Variants in SSBP3 observed in about 807,000 individuals in gnomAD.
SSBP3 encodes the protein single-stranded DNA-binding protein 3.
In SSBP3, 5 loss-of-function variants were observed where a neutral mutation model predicts 69.6. That is an observed-to-expected ratio of 0.07 (90% confidence interval 0.04 to 0.15). SSBP3 has a LOEUF of 0.15. SSBP3 is among the 10% of genes least tolerant of loss of function. The pLI, the probability that SSBP3 is intolerant of heterozygous loss-of-function variation, is 1.00. For missense variants in SSBP3, 312 were observed against 534.0 expected (o/e 0.58, Z 4.10); for synonymous variants, 196 against 193.4 (o/e 1.01, Z -0.11).
At chr1:54,407,785 C>T (rs992720278), upstream of SSBP3, among the ~76,000 whole-genome samples, 1 of 123,226 alleles carries the variant, frequency 8.1e-6, no homozygotes, top group Non-Finnish European at 1.6e-5. Flanking sequence ...TTTAACTGCG[C>T]TGTTCCAATA....
chr1:54,256,186 CA>C (rs1644918038), intron 7 of SSBP3, among the ~76,000 whole-genome samples: 1 of 148,536 alleles, frequency 6.7e-6, no homozygotes, highest in East Asian at 2.0e-4. Flanking sequence ...AAAAGCATCA[CA>C]CTCAGACAAT....
chr1:54,298,791 A>T (rs1645746538), intron 4 of SSBP3, among the ~76,000 whole-genome samples: 1 of 152,114 alleles, frequency 6.6e-6, no homozygotes, highest in South Asian at 2.1e-4. Flanking sequence ...CAAAAACACC[A>T]TGGTCAGCGT....
chr1:54,411,997 G>C (rs1421566410), intron 1 of SSBP3, among the ~76,000 whole-genome samples: 1 of 152,022 alleles, frequency 6.6e-6, no homozygotes, highest in Non-Finnish European at 1.5e-5. Flanking sequence ...ACTCACCAGA[G>C]TGCCCTAGCC....
intron 4 of SSBP3, among the ~76,000 whole-genome samples, chr1:54,309,823 G>A (rs1001172447): frequency 2.6e-5 from 4 of 152,192 alleles, no homozygotes; most frequent in Non-Finnish European, 4.4e-5. Context: ...CACACAAAGC[G>A]GGGGAAGGCA....
At chr1:54,227,417 G>A (rs1050665838) in intron 17 of SSBP3, among the ~76,000 whole-genome samples, 36 of 152,110 alleles carry the variant, frequency 2.4e-4, no homozygotes, top group African/African-American at 8.4e-4. Context: ...AGCTGACGGC[G>A]CCTCCCCTGC....
chr1:54,285,652 G>A (rs989449116), intron 4 of SSBP3, among the ~76,000 whole-genome samples: 3 of 152,186 alleles, frequency 2.0e-5, no homozygotes, highest in Non-Finnish European at 2.9e-5. Flanking sequence ...GCTAGGAATC[G>A]GCCTCCCTCT....
intron 4 of SSBP3, among the ~76,000 whole-genome samples, chr1:54,343,177 T>G (rs555642909): frequency 2.0e-5 from 3 of 152,280 alleles, no homozygotes; most frequent in Admixed American, 6.5e-5. Context: ...CTCTGCCGCT[T>G]TTCATATTGC....
intron 4 of SSBP3, among the ~76,000 whole-genome samples, chr1:54,388,133 A>AT (rs907384251): frequency 1.6e-4 from 24 of 151,746 alleles, no homozygotes; most frequent in Non-Finnish European, 2.4e-4. Flanking sequence ...TGTCACTGAC[A>AT]TTTTTTTTTA....
At chr1:54,407,143 T>C (rs1649837847), upstream of SSBP3, among the ~76,000 whole-genome samples, 2 of 151,578 alleles carry the variant, frequency 1.3e-5, no homozygotes, top group Admixed American at 1.3e-4. Flanking sequence ...TTGGCGTGCT[T>C]TGGGGAGCCG....
intron 4 of SSBP3, among the ~76,000 whole-genome samples, chr1:54,340,631 G>C (rs1010032108): frequency 1.3e-5 from 2 of 152,198 alleles, no homozygotes; most frequent in Non-Finnish European, 2.9e-5. Context: ...CATCACCCTC[G>C]GTACCTTTCC....
intron 4 of SSBP3, among the ~76,000 whole-genome samples, chr1:54,313,039 T>C (rs1646031871): frequency 6.6e-6 from 1 of 150,618 alleles, no homozygotes; most frequent in Non-Finnish European, 1.5e-5. Flanking sequence ...TTTTTTTTTT[T>C]TCCATTGAGC....
At position 54,368,476 on chromosome 1, in the gene SSBP3, A is replaced by AG. The variant is rs1553146606; in HGVS notation, c.276+33384dup. On this transcript the variant is annotated intron_variant, in intron 4 of 17. Transcript: ENST00000610401. ...ACTGGACCCATAGTTCCCCACATTT[A>AG]GGGAAAAAAAAAAAATCAGAAACCA... is the stretch of plus-strand genomic sequence containing the variant. 1.2e-3 allele frequency among the ~76,000 whole-genome samples: 178 copies of AG among 148,746 alleles called. 1 individual carries two copies. The highest frequency in any genetic ancestry group is 4.4e-3 in the African/African-American group (171 of 38,588).
chr1:54,352,999 A>G (rs138970939), intron 4 of SSBP3, among the ~76,000 whole-genome samples: 22 of 152,252 alleles, frequency 1.4e-4, no homozygotes, highest in Middle Eastern at 6.8e-3. Flanking sequence ...CAGGAGAGAC[A>G]GGAGGCAGTA....
At chr1:54,316,663 A>T (rs1373815761) in intron 4 of SSBP3, among the ~76,000 whole-genome samples, 2 of 33,500 alleles carry the variant, frequency 6.0e-5, no homozygotes, top group African/African-American at 2.9e-4. Context: ...AAAAAAATAA[A>T]ATAAATAAAT....
intron 4 of SSBP3, among the ~76,000 whole-genome samples, chr1:54,357,567 A>AG (rs978375051): frequency 2.6e-5 from 4 of 152,166 alleles, no homozygotes; most frequent in African/African-American, 9.7e-5. Flanking sequence ...CCCCATCCAC[A>AG]GGGGACCCAT....
At chr1:54,406,577 G>A (rs1489051063), upstream of SSBP3, among the ~76,000 whole-genome samples, 2 of 151,784 alleles carry the variant, frequency 1.3e-5, no homozygotes, top group African/African-American at 4.8e-5. Context: ...CGGAGCCGCT[G>A]CCTGCTCCTG....
chr1:54,404,888 T>C, exon 2 of SSBP3: 2 of 1,612,464 alleles, frequency 1.2e-6, no homozygotes, highest in Non-Finnish European at 1.7e-6. Flanking sequence ...CAGATTTCTG[T>C]GCTCCTACGT....
intron 4 of SSBP3, among the ~76,000 whole-genome samples, chr1:54,381,022 G>C (rs1647591372): frequency 6.6e-6 from 1 of 151,738 alleles, no homozygotes; most frequent in Non-Finnish European, 1.5e-5. Flanking sequence ...GCTACTCAGA[G>C]GCTGAAGCAG....
intron 4 of SSBP3, among the ~76,000 whole-genome samples, chr1:54,297,460 C>T (rs146253676): frequency 0.047 from 7,208 of 152,188 alleles, 447 homozygotes; most frequent in Admixed American, 0.18. Flanking sequence ...TGAAACCCCC[C>T]TCTCTACTAA....
Sources: allele counts gnomAD v4.1 joint callset (sites outside exome capture counted in the v4.1 genomes callset), GRCh38; gene constraint gnomAD v4.1.1; transcripts MANE v1.5; gene names NCBI Gene and HGNC (gene_info 2026-07-23, HGNC 2026-07-21).